Variants in ATP8A2 observed in about 807,000 individuals in gnomAD.
ATP8A2 encodes phospholipid-transporting ATPase IB.
In ATP8A2, 100 loss-of-function variants were observed where a neutral mutation model predicts 165.6. That is an observed-to-expected ratio of 0.60 (90% CI 0.51 to 0.71). The LOEUF is 0.71. Ranked by LOEUF, ATP8A2 falls within the 30% of genes least tolerant of loss-of-function variation. The pLI is 0.00. For synonymous variants in ATP8A2, 543 were observed against 548.8 expected (o/e 0.99, Z 0.15); for missense variants, 1,227 against 1,479.5 (o/e 0.83, Z 2.80).
At chr13:25,847,549 G>T (rs1951895259) in intron 30 of ATP8A2, among the ~76,000 whole-genome samples, 1 of 152,190 alleles carries the variant, frequency 6.6e-6, no homozygotes, top group Admixed American at 6.5e-5. Flanking sequence ...GTTGTAAGAA[G>T]TGTGAGCCAG....
At chr13:25,853,253 A>G (rs949181855) in intron 30 of ATP8A2, among the ~76,000 whole-genome samples, 8 of 151,770 alleles carry the variant, frequency 5.3e-5, no homozygotes, top group Non-Finnish European at 1.0e-4. Context: ...TTAACCGGGT[A>G]TAGTGATGCA....
chr13:25,384,017 G>A (rs966369363), intron 1 of ATP8A2, among the ~76,000 whole-genome samples: 1 of 152,162 alleles, frequency 6.6e-6, no homozygotes, highest in African/African-American at 2.4e-5. Context: ...GCATCTGTGA[G>A]TGGCCATCTG....
At chr13:25,619,680 T>C (rs1042211135) in intron 24 of ATP8A2, among the ~76,000 whole-genome samples, 12 of 152,304 alleles carry the variant, frequency 7.9e-5, no homozygotes, top group Non-Finnish European at 1.5e-4. Flanking sequence ...TTGAATAGTA[T>C]ATTAGTTAAT....
intron 24 of ATP8A2, among the ~76,000 whole-genome samples, chr13:25,680,189 T>C (rs1252967280): frequency 6.6e-6 from 1 of 152,180 alleles, no homozygotes; most frequent in African/African-American, 2.4e-5. Flanking sequence ...GAATGTGACC[T>C]GGTTTGGAAA....
chr13:25,688,642 G>A (rs1307015144), intron 24 of ATP8A2, among the ~76,000 whole-genome samples: 6 of 152,210 alleles, frequency 3.9e-5, no homozygotes, highest in Non-Finnish European at 2.9e-5. Context: ...ATATAGCAGA[G>A]GATTTGTAGA....
chr13:25,402,859 A>G (rs1010916718), intron 1 of ATP8A2, among the ~76,000 whole-genome samples: 4 of 152,184 alleles, frequency 2.6e-5, no homozygotes, highest in Admixed American at 2.0e-4. Context: ...TTTATTTCCC[A>G]CAGTTCTGGA....
intron 36 of ATP8A2, 126 bp from the exon 37 acceptor site, chr13:26,019,762 C>A: frequency 1.5e-6 from 1 of 648,250 alleles, no homozygotes; most frequent in Non-Finnish European, 2.7e-6. Context: ...CTCCACCTAT[C>A]CAAGGCTAAG....
chr13:25,650,169 A>G (rs1245086376), intron 24 of ATP8A2, among the ~76,000 whole-genome samples: 1 of 152,200 alleles, frequency 6.6e-6, no homozygotes, highest in Non-Finnish European at 1.5e-5. Flanking sequence ...AAAGTGAGAT[A>G]GTTTCTCTCA....
At chr13:25,413,278 G>GTTTTTTTTTTTTTTTTTTTTT (rs1195456593) in intron 1 of ATP8A2, among the ~76,000 whole-genome samples, 1 of 105,262 alleles carries the variant, frequency 9.5e-6, no homozygotes, top group African/African-American at 3.7e-5. Context: ...CTTTTTCTTT[G>GTTTTTTTTTTTTTTTTTTTTT]TTTTTTTTTT....
intron 30 of ATP8A2, among the ~76,000 whole-genome samples, chr13:25,856,825 A>G (rs1246261848): frequency 6.6e-6 from 1 of 152,246 alleles, no homozygotes; most frequent in African/African-American, 2.4e-5. Flanking sequence ...AAATGTAAAC[A>G]ACTAAATGCA....
At position 25,531,421 on chromosome 13, in the gene ATP8A2, A is replaced by ATTATATATATATGT. The variant is rs373705666; in HGVS notation, c.420+762_420+763insTATATATATATGTT. ...GATTATATATATGATTATATATATG[A>ATTATATATATATGT]TATATATATGATTATATATATGATT... On this transcript the variant is annotated intron_variant, in intron 4 of 36. Transcript: ENST00000381655. Among the ~76,000 whole-genome samples the ATTATATATATATGT allele has an allele frequency of 1.3e-4, 4 of 30,196 alleles. No homozygotes were observed. In the South Asian group the frequency reaches 3.2e-3, roughly 24 times the overall value. The allele number at this position is 30,196 out of a possible 152,430, so 19.8% of individuals were successfully genotyped here.
chr13:25,443,337 G>T (rs2034983861), intron 1 of ATP8A2, among the ~76,000 whole-genome samples: 1 of 152,160 alleles, frequency 6.6e-6, no homozygotes, highest in African/African-American at 2.4e-5. Flanking sequence ...CCATCTCCTT[G>T]AGATATGGTG....
chr13:25,838,694 A>C (rs1327519063), intron 29 of ATP8A2, among the ~76,000 whole-genome samples: 4 of 152,052 alleles, frequency 2.6e-5, no homozygotes, highest in Admixed American at 2.0e-4. Context: ...GGCTCAAACT[A>C]TATGATAATT....
At chr13:25,855,807 A>G (rs373705184) in intron 30 of ATP8A2, among the ~76,000 whole-genome samples, 18 of 152,186 alleles carry the variant, frequency 1.2e-4, no homozygotes, top group African/African-American at 4.3e-4. Flanking sequence ...TAATTTCTCC[A>G]CATCTTGTTA....
intron 1 of ATP8A2, among the ~76,000 whole-genome samples, chr13:25,405,530 T>C (rs2033774433): frequency 6.6e-6 from 1 of 152,128 alleles, no homozygotes; most frequent in South Asian, 2.1e-4. Flanking sequence ...ACCTCTCTCC[T>C]TGGGGTACTC....
intron 24 of ATP8A2, among the ~76,000 whole-genome samples, chr13:25,658,166 T>C (rs1165725202): frequency 6.6e-6 from 1 of 152,234 alleles, no homozygotes; most frequent in African/African-American, 2.4e-5. Context: ...TTGCCTCAGC[T>C]AACAGATATT....
intron 6 of ATP8A2, among the ~76,000 whole-genome samples, chr13:25,535,494 C>T (rs553684359): frequency 6.6e-6 from 1 of 152,234 alleles, no homozygotes; most frequent in South Asian, 2.1e-4. Flanking sequence ...GAGTATTGCA[C>T]ACACAAGGAA....
At chr13:25,638,939 G>A (rs1409773424) in intron 24 of ATP8A2, among the ~76,000 whole-genome samples, 1 of 152,144 alleles carries the variant, frequency 6.6e-6, no homozygotes, top group Non-Finnish European at 1.5e-5. Flanking sequence ...AGAAGAGAGT[G>A]GGGGCCAATA....
chr13:25,674,386 C>A (rs17685714), intron 24 of ATP8A2, among the ~76,000 whole-genome samples: 16,309 of 152,092 alleles, frequency 0.11, 1,890 homozygotes, highest in East Asian at 0.37. Flanking sequence ...ATGCATCCTT[C>A]AATAATATAT....
Sources: gnomAD v4.1 joint callset for allele counts (sites outside exome capture counted in the v4.1 genomes callset) on GRCh38, gnomAD v4.1.1 for gene constraint, MANE v1.5 for transcripts, NCBI Gene and HGNC (gene_info 2026-07-23, HGNC 2026-07-21) for gene names.